BCAS3: variants seen among roughly 807,000 people sequenced by gnomAD.
BCAS3 encodes BCAS3 microtubule associated cell migration factor, also known as BCAS4/BCAS3 fusion.
BCAS3 carries 53 observed loss-of-function variants against 116.1 expected under a neutral mutation model. The ratio of observed to expected loss-of-function variants is 0.46; its 90% confidence interval spans 0.37 to 0.57. The LOEUF (loss-of-function observed/expected upper bound fraction) is 0.57, where lower values mean the gene tolerates loss of function less well. Among genes scored for constraint, BCAS3 ranks in the 20% least tolerant of loss-of-function variants. The pLI, the probability that BCAS3 is intolerant of heterozygous loss-of-function variation, is 0.00. For missense variants in BCAS3, 917 were observed against 1,165.4 expected, an observed-to-expected ratio of 0.79 and a Z score of 3.10; for synonymous variants, 391 against 408.2, an observed-to-expected ratio of 0.96 and a Z score of 0.51.
chr17:60,875,473 A>G (rs1217191681), intron 9 of BCAS3, among the ~76,000 whole-genome samples: 1 of 152,080 alleles, frequency 6.6e-6, no homozygotes, highest in Non-Finnish European at 1.5e-5. Flanking sequence ...AAAGAAAGCA[A>G]TTTAGCAGTT....
chr17:60,817,713 A>G (rs898666225), intron 7 of BCAS3, among the ~76,000 whole-genome samples: 2 of 152,236 alleles, frequency 1.3e-5, no homozygotes, highest in South Asian at 2.1e-4. Context: ...ATCGCTCGTT[A>G]TATAGGCTTT....
Position 61,327,919 on chromosome 17 carries a change from G to T in BCAS3, c.2426-40408G>T, listed in dbSNP as rs1283912206. ...TCAGACACTGTTGGTGTAAATTGGT[G>T]CACCCTTTTTGGAAGGCAGTTTGGT... On this transcript the variant is annotated intron_variant, in intron 22 of 23. Transcript: ENST00000407086. This position sits in a 1 kb window ranked among gnomAD's most constrained non-coding sequence, Gnocchi z 5.9. 6.6e-6 allele frequency among the ~76,000 whole-genome samples: 1 copy of T among 152,152 alleles called. No individual in the cohort carries two copies. The highest frequency in any genetic ancestry group is 6.5e-5 in the Admixed American group (1 of 15,282).
chr17:60,975,595 A>C (rs2062289924), intron 14 of BCAS3, among the ~76,000 whole-genome samples: 2 of 152,328 alleles, frequency 1.3e-5, no homozygotes, highest in South Asian at 4.1e-4. Context: ...ACAATTCAGT[A>C]GTTTTTTAGT....
At chr17:61,336,528 A>G (rs2056738745) in intron 22 of BCAS3, among the ~76,000 whole-genome samples, 1 of 152,158 alleles carries the variant, frequency 6.6e-6, no homozygotes, top group African/African-American at 2.4e-5. Flanking sequence ...TAGCCCAGCT[A>G]CGCTGGCAGC....
At position 60,724,078 on chromosome 17, in the gene BCAS3, A is replaced by G. The variant is rs1260172701; in HGVS notation, c.321+14753A>G. Among the ~76,000 whole-genome samples, 4 of 151,692 alleles carry G rather than the reference A, an allele frequency of 2.6e-5. No homozygotes were observed. The South Asian group carries it at 6.3e-4, about 24-fold the overall frequency. ...GAAAAAAATCTGGTTCCGATTTTTT[A>G]TCTTTTACTCTATTATTATTTTTGT... is the stretch of plus-strand genomic sequence containing the variant. On this transcript the variant is annotated intron_variant, in intron 5 of 23. Coordinates refer to ENST00000407086, the MANE Select transcript of BCAS3 (RefSeq NM_017679.5).
At chr17:61,260,746 A>T (rs999496383) in intron 22 of BCAS3, among the ~76,000 whole-genome samples, 1 of 152,256 alleles carries the variant, frequency 6.6e-6, no homozygotes, top group Admixed American at 6.5e-5. Context: ...ATAGTTTAGT[A>T]AACCGATGAG....
chr17:61,255,196 T>C (rs2048691657), intron 22 of BCAS3, among the ~76,000 whole-genome samples: 1 of 152,170 alleles, frequency 6.6e-6, no homozygotes, highest in Non-Finnish European at 1.5e-5. Flanking sequence ...CATCCACATC[T>C]CTATCCGAGA....
At position 60,748,450 on chromosome 17, in the gene BCAS3, CTT is replaced by C. The variant is rs1275215971; in HGVS notation, c.403+1172_403+1173del. ...TCTCTCATGCTCTGTCACTCTCTCT[CTT>C]GTTCTGTTTTTTGTTGCATTTGTAC... is the stretch of plus-strand genomic sequence containing the variant. On this transcript the variant is annotated intron_variant, in intron 6 of 23. Transcript: ENST00000407086. Among the ~76,000 whole-genome samples, 5 of 152,276 alleles carry C rather than the reference CTT, an allele frequency of 3.3e-5. No individual in the cohort carries two copies. The South Asian group carries it at 8.3e-4, about 25-fold the overall frequency.
chr17:60,990,751 A>G lies in BCAS3; in HGVS notation c.1486+516A>G, dbSNP rs2063476906. Among the ~76,000 whole-genome samples the G allele has an allele frequency of 6.6e-6, 1 of 151,964 alleles. No individual in the cohort carries two copies. Among genetic ancestry groups the G allele is most frequent in the Admixed American group, 6.6e-5 (1 of 15,264 alleles). ...AACCTCTACCTCCCAGGTTCAAGCA[A>G]TTCTCCTGCCTCAGCCTCCCGAGCA... On this transcript the variant is annotated intron_variant, in intron 15 of 23. Transcript: ENST00000407086. The surrounding 1 kb of genome is among the most constrained non-coding windows in gnomAD (Gnocchi z 5.1).
intron 5 of BCAS3, among the ~76,000 whole-genome samples, chr17:60,745,705 G>A (rs558717492): frequency 6.6e-6 from 1 of 151,998 alleles, no homozygotes; most frequent in South Asian, 2.1e-4. Context: ...TAGCTTTTAC[G>A]TGTTTCATTG....
intron 6 of BCAS3, among the ~76,000 whole-genome samples, chr17:60,800,227 C>A (rs2047650166): frequency 6.6e-6 from 1 of 152,154 alleles, no homozygotes; most frequent in Admixed American, 6.5e-5. Flanking sequence ...TATATTTCCA[C>A]TAGCAATGTA....
chr17:60,887,239 C>G (rs1332870539), intron 9 of BCAS3: 3 of 151,768 alleles, frequency 2.0e-5, no homozygotes, highest in Non-Finnish European at 4.4e-5. Flanking sequence ...TTCTTTGACT[C>G]GGAAAGGGAA....
At position 61,180,393 on chromosome 17, in the gene BCAS3, A is replaced by G. The variant is rs2079409864; in HGVS notation, c.2425+95829A>G. Among the ~76,000 whole-genome samples, 1 of 152,216 alleles carries G rather than the reference A, an allele frequency of 6.6e-6. No homozygotes were observed. Among genetic ancestry groups the G allele is most frequent in the Admixed American group, 6.5e-5 (1 of 15,276 alleles). On this transcript the variant is annotated intron_variant, in intron 22 of 23. Coordinates refer to ENST00000407086, the MANE Select transcript of BCAS3 (RefSeq NM_017679.5). The surrounding 1 kb of genome is among the most constrained non-coding windows in gnomAD (Gnocchi z 6.0). ...TCAGCCAACAAGCTGTAATAAATAAACTCTAAGCCAATGTACTGTTAAACT... is the reference window on the plus strand; with the variant it reads ...TCAGCCAACAAGCTGTAATAAATAAGCTCTAAGCCAATGTACTGTTAAACT...
At chr17:61,305,817 A>G (rs1251340650) in intron 22 of BCAS3, among the ~76,000 whole-genome samples, 1 of 152,138 alleles carries the variant, frequency 6.6e-6, no homozygotes, top group African/African-American at 2.4e-5. Context: ...AATCACTTGA[A>G]CCTGGTAGGT....
intron 19 of BCAS3, among the ~76,000 whole-genome samples, chr17:61,067,273 G>GTATATATATATATATATATATATATATA (rs1199603635): frequency 1.7e-5 from 1 of 58,796 alleles, no homozygotes; most frequent in Non-Finnish European, 2.9e-5. Flanking sequence ...GTGTGTATGT[G>GTATATATATATATATATATATATATATA]TATATATATA....
At chr17:61,108,486 TG>T (rs1478553557) in intron 22 of BCAS3, among the ~76,000 whole-genome samples, 1 of 152,154 alleles carries the variant, frequency 6.6e-6, no homozygotes, top group Non-Finnish European at 1.5e-5. Context: ...ATTTGATCTC[TG>T]CTTTTTCTTT....
intron 9 of BCAS3, among the ~76,000 whole-genome samples, chr17:60,877,916 A>T (rs2055763110): frequency 6.6e-6 from 1 of 152,246 alleles, no homozygotes; most frequent in South Asian, 2.1e-4. Flanking sequence ...TATTGAAAAA[A>T]GTAGTAAATA....
At chr17:61,195,653 A>G (rs1298583473) in intron 22 of BCAS3, among the ~76,000 whole-genome samples, 1 of 151,832 alleles carries the variant, frequency 6.6e-6, no homozygotes, top group East Asian at 1.9e-4. Context: ...CTGGGATTAC[A>G]AAGGTGTGAG....
rs948334429 is a variant in BCAS3, at chr17:61,315,266, C to G, written c.2426-53061C>G. Among the ~76,000 whole-genome samples the G allele has an allele frequency of 6.6e-6, 1 of 152,150 alleles. No homozygotes were observed. Among genetic ancestry groups the G allele is most frequent in the Non-Finnish European group, 1.5e-5 (1 of 68,022 alleles). On this transcript the variant is annotated intron_variant, in intron 22 of 23. Coordinates refer to ENST00000407086, the MANE Select transcript of BCAS3 (RefSeq NM_017679.5). The surrounding 1 kb of genome is among the most constrained non-coding windows in gnomAD (Gnocchi z 5.3). ...AGTAGCTGGGATTATAGGCGCCCAC[C>G]ACCACACCCGGCTAATTTTTGTATT...
Sources: allele counts gnomAD v4.1 joint callset (sites outside exome capture counted in the v4.1 genomes callset), GRCh38; gene constraint gnomAD v4.1.1; non-coding constraint Gnocchi (gnomAD v3.1); transcripts MANE v1.5; gene names NCBI Gene and HGNC (gene_info 2026-07-23, HGNC 2026-07-21).